Variants in RTN4RL1 observed in about 807,000 individuals in gnomAD.
RTN4RL1 encodes the protein reticulon-4 receptor-like 1.
In RTN4RL1, 7 loss-of-function variants were observed where a neutral mutation model predicts 25.6. That is an observed-to-expected ratio of 0.27 (90% CI 0.16 to 0.51). The LOEUF (loss-of-function observed/expected upper bound fraction) is 0.51, where lower values mean the gene tolerates loss of function less well. RTN4RL1 is among the 20% of genes least tolerant of loss of function. RTN4RL1 has a pLI of 0.97. For missense variants in RTN4RL1, 500 were observed against 615.6 expected (o/e 0.81, Z 1.99); for synonymous variants, 297 against 288.2 (o/e 1.03, Z -0.31).
chr17:1,942,325 T>G (rs1597486593), intron 1 of RTN4RL1, among the ~76,000 whole-genome samples: 10 of 141,540 alleles, frequency 7.1e-5, no homozygotes, highest in South Asian at 4.8e-4. Context: ...AGCCCCGGGG[T>G]GTGGGGGGTG....
intron 1 of RTN4RL1, among the ~76,000 whole-genome samples, chr17:2,013,407 G>A (rs1238185336): frequency 6.6e-6 from 1 of 152,210 alleles, no homozygotes; most frequent in African/African-American, 2.4e-5. Flanking sequence ...ACTTCCAGCT[G>A]CAAAGACTTG....
chr17:1,977,523 C>T (rs2066847663), intron 1 of RTN4RL1, among the ~76,000 whole-genome samples: 1 of 152,174 alleles, frequency 6.6e-6, no homozygotes, highest in Admixed American at 6.5e-5. Flanking sequence ...CAGTGCCGCC[C>T]CCCACCCCGC....
chr17:2,006,279 T>A (rs938275627), intron 1 of RTN4RL1, among the ~76,000 whole-genome samples: 1 of 151,726 alleles, frequency 6.6e-6, no homozygotes, highest in African/African-American at 2.4e-5. Flanking sequence ...AGCTTCAGCC[T>A]CCCAAGTAGC....
chr17:2,023,420 G>C (rs1049629461), intron 1 of RTN4RL1, among the ~76,000 whole-genome samples: 1 of 152,190 alleles, frequency 6.6e-6, no homozygotes, highest in Non-Finnish European at 1.5e-5. Flanking sequence ...AGCGAAGGCA[G>C]CCGGCGTTTC....
chr17:2,000,931 A>G (rs1215763408), intron 1 of RTN4RL1, among the ~76,000 whole-genome samples: 1 of 152,226 alleles, frequency 6.6e-6, no homozygotes, highest in Non-Finnish European at 1.5e-5. Flanking sequence ...TACTGCATGG[A>G]AACAGCTGTG....
chr17:1,987,259 G>A (rs1019984259), intron 1 of RTN4RL1, among the ~76,000 whole-genome samples: 10 of 152,098 alleles, frequency 6.6e-5, no homozygotes, highest in Admixed American at 4.6e-4. Context: ...GAGTGGGCTC[G>A]TACCCAATCA....
intron 1 of RTN4RL1, among the ~76,000 whole-genome samples, chr17:1,995,974 C>T (rs948104385): frequency 2.0e-5 from 3 of 152,110 alleles, no homozygotes; most frequent in South Asian, 2.1e-4. Context: ...AGGCGGGTGG[C>T]GATAACACTG....
intron 1 of RTN4RL1, among the ~76,000 whole-genome samples, chr17:1,970,589 AC>A (rs1337107294): frequency 6.6e-6 from 1 of 152,140 alleles, no homozygotes; most frequent in African/African-American, 2.4e-5. Flanking sequence ...ACTGGCCACG[AC>A]CCAGCTTCCT....
intron 1 of RTN4RL1, among the ~76,000 whole-genome samples, chr17:1,967,860 C>T (rs1013506602): frequency 1.3e-5 from 2 of 152,120 alleles, no homozygotes; most frequent in African/African-American, 4.8e-5. Flanking sequence ...AGGCTGGTCT[C>T]GAACTCCTGA....
At chr17:2,011,850 C>A (rs146839028) in intron 1 of RTN4RL1, among the ~76,000 whole-genome samples, 206 of 152,250 alleles carry the variant, frequency 1.4e-3, no homozygotes, top group African/African-American at 4.9e-3. Context: ...GGTAAAATGT[C>A]CCCTTTGGCT....
intron 1 of RTN4RL1, among the ~76,000 whole-genome samples, chr17:1,939,321 C>G (rs1335745253): frequency 6.6e-6 from 1 of 151,856 alleles, no homozygotes; most frequent in East Asian, 1.9e-4. Context: ...CCACTGCACT[C>G]CAGCCTGGGC....
At chr17:1,977,747 C>T (rs2066848976) in intron 1 of RTN4RL1, among the ~76,000 whole-genome samples, 1 of 152,128 alleles carries the variant, frequency 6.6e-6, no homozygotes, top group African/African-American at 2.4e-5. Flanking sequence ...CATCCCGGCC[C>T]TCACCGAGGT....
At chr17:1,966,214 A>T (rs904399011) in intron 1 of RTN4RL1, among the ~76,000 whole-genome samples, 2 of 152,210 alleles carry the variant, frequency 1.3e-5, no homozygotes, top group African/African-American at 4.8e-5. Flanking sequence ...CAAGCCGCGT[A>T]CGATTCCCAG....
chr17:2,010,210 A>G (rs1416191025), intron 1 of RTN4RL1, among the ~76,000 whole-genome samples: 2 of 127,760 alleles, frequency 1.6e-5, no homozygotes, highest in African/African-American at 6.0e-5. Flanking sequence ...TAATCCCAGC[A>G]CTTTGGGAGG....
At chr17:1,995,841 A>G (rs1343461087) in intron 1 of RTN4RL1, 1 of 152,284 alleles carries the variant, frequency 6.6e-6, no homozygotes, top group African/African-American at 2.4e-5. Flanking sequence ...AGCACGGAAC[A>G]AGGCATATTA....
chr17:2,016,336 A>G (rs1309641660), intron 1 of RTN4RL1, among the ~76,000 whole-genome samples: 1 of 152,148 alleles, frequency 6.6e-6, no homozygotes, highest in Non-Finnish European at 1.5e-5. Context: ...AGCCAAGATC[A>G]CACCACTGCA....
intron 1 of RTN4RL1, among the ~76,000 whole-genome samples, chr17:1,948,750 A>G (rs1304339193): frequency 1.6e-4 from 14 of 86,786 alleles, no homozygotes; most frequent in Non-Finnish European, 2.5e-4. Flanking sequence ...GGGGTCCAGG[A>G]GGGGTGTGAG....
At chr17:1,989,014 C>T (rs2066898818) in intron 1 of RTN4RL1, among the ~76,000 whole-genome samples, 2 of 152,158 alleles carry the variant, frequency 1.3e-5, no homozygotes, top group African/African-American at 2.4e-5. Flanking sequence ...GGATTGTAAG[C>T]AATCAAAGTG....
rs1221172601 is a variant in RTN4RL1, at chr17:1,998,146, G to C, written c.13+26707C>G. 3.3e-5 allele frequency among the ~76,000 whole-genome samples: 5 copies of C among 152,186 alleles called. No homozygotes were observed. Among genetic ancestry groups the C allele is most frequent in the Non-Finnish European group, 7.4e-5 (5 of 68,008 alleles). On this transcript the variant is annotated intron_variant, in intron 1 of 1. Transcript: ENST00000331238. The surrounding 1 kb of genome is among the most constrained non-coding windows in gnomAD (Gnocchi z 4.9). Reference sequence around the variant, plus strand: ...AGCCAGACGGCGGCGGAGGGGGCGGGGAGGCCTCCTTGGCTCCCTGGCCCG... The same window carrying C: ...AGCCAGACGGCGGCGGAGGGGGCGGCGAGGCCTCCTTGGCTCCCTGGCCCG...
Sources: gnomAD v4.1 joint callset for allele counts (sites outside exome capture counted in the v4.1 genomes callset) on GRCh38, gnomAD v4.1.1 for gene constraint, Gnocchi (gnomAD v3.1) non-coding constraint, MANE v1.5 for transcripts, NCBI Gene and HGNC (gene_info 2026-07-23, HGNC 2026-07-21) for gene names.